The following USP8 variants were observed in gnomAD, a reference collection of about 807,000 sequenced individuals.
The protein encoded by USP8 is ubiquitin specific peptidase 8.
A neutral mutation model predicts 130.0 loss-of-function variants in USP8; 27 were observed. The ratio of observed to expected loss-of-function variants is 0.21; its 90% CI spans 0.15 to 0.29. The LOEUF is 0.29. Ranked by LOEUF, USP8 falls within the 10% of genes least tolerant of loss-of-function variation. The probability of loss-of-function intolerance (pLI) is 1.00; values close to 1 mark genes in which losing one functional copy is unlikely to be tolerated. For synonymous variants in USP8, 392 were observed against 444.1 expected (o/e 0.88, Z 1.48); for missense variants, 1,029 against 1,312.2 (o/e 0.78, Z 3.33).
intron 19 of USP8, 31 bp downstream of exon 19, chr15:50,498,759 G>A (rs1159599484): frequency 1.3e-6 from 2 of 1,572,422 alleles, no homozygotes; most frequent in South Asian, 1.2e-5. Context: ...AAGACTTTTT[G>A]TTTCAAAGCA....
intron 15 of USP8, 104 bp from the exon 16 acceptor site, chr15:50,493,966 C>A: frequency 7.9e-7 from 1 of 1,268,720 alleles, no homozygotes; most frequent in Non-Finnish European, 1.1e-6. Flanking sequence ...TAATGTAGTG[C>A]TACAGTATGT....
At position 50,511,354 on chromosome 15, in the gene USP8, A is replaced by T. The variant is rs2052737444; in HGVS notation, c.*12266A>T. Reference sequence around the variant, plus strand: ...ACGTAAAATGCTGCTGCCACTTTGGAAAACAATTTGGCAGTTCCTCAAAAA... The same window carrying T: ...ACGTAAAATGCTGCTGCCACTTTGGTAAACAATTTGGCAGTTCCTCAAAAA... On this transcript the variant is annotated 3_prime_UTR_variant, in exon 20 of 20. Coordinates refer to ENST00000307179, the MANE Select transcript of USP8 (RefSeq NM_005154.5). The T allele has an allele frequency of 6.6e-6, 1 of 152,190 alleles. No individual in the cohort carries two copies. The highest frequency in any genetic ancestry group is 2.4e-5 in the African/African-American group (1 of 41,448). The allele number at this position is 152,190 out of a possible 1,614,324, so 9.4% of individuals were successfully genotyped here.
At position 50,453,503 on chromosome 15, in the gene USP8, G is replaced by A. The variant is rs187179627; in HGVS notation, c.335+4018G>A. ...ATTTCATTGTGGCTAAAGATGTTGC[G>A]TCCTTTTAAATGTATTCTTGTTTTA... On this transcript the variant is annotated intron_variant, in intron 4 of 19. Transcript: ENST00000307179. 7.5e-4 allele frequency among the ~76,000 whole-genome samples: 114 copies of A among 152,140 alleles called. 1 individual carries two copies. The highest frequency in any genetic ancestry group is 2.5e-3 in the African/African-American group (102 of 41,486).
chr15:50,472,649 G>C (rs996110280), intron 8 of USP8, among the ~76,000 whole-genome samples: 3 of 151,158 alleles, frequency 2.0e-5, no homozygotes, highest in Admixed American at 2.0e-4. Flanking sequence ...GGTGGCCCAT[G>C]CCTGTAATCC....
chr15:50,437,402 A>G (rs2050123091), intron 1 of USP8, among the ~76,000 whole-genome samples: 1 of 152,134 alleles, frequency 6.6e-6, no homozygotes, highest in Non-Finnish European at 1.5e-5. Context: ...GTTCAATTCA[A>G]TTTGATTTTT....
At chr15:50,455,752 A>G (rs1343445404) in intron 4 of USP8, among the ~76,000 whole-genome samples, 1 of 152,160 alleles carries the variant, frequency 6.6e-6, no homozygotes, top group Admixed American at 6.6e-5. Flanking sequence ...TGCCTATGGT[A>G]GGTGGCAACT....
In USP8 at chr15:50,432,791, C is replaced by G. The variant is rs191982675; in HGVS notation, c.-65-6218C>G. On this transcript the variant is annotated intron_variant, in intron 1 of 19. Coordinates refer to ENST00000307179, the MANE Select transcript of USP8 (RefSeq NM_005154.5). ...TCTGATGTTTGCTATTTTTTTAATG[C>G]TGATCATGACCTTCTAATGGATTTT... Among the ~76,000 whole-genome samples the G allele has an allele frequency of 5.5e-3, 836 of 152,084 alleles. 4 individuals are homozygous for G. The highest frequency in any genetic ancestry group is 8.1e-3 in the Non-Finnish European group (548 of 67,994).
intron 3 of USP8, among the ~76,000 whole-genome samples, chr15:50,443,786 A>G (rs2050334408): frequency 6.6e-6 from 1 of 151,976 alleles, no homozygotes; most frequent in South Asian, 2.1e-4. Flanking sequence ...CTGGCCAATT[A>G]CTAGGTTTTA....
chr15:50,431,152 A>AGT lies in USP8; in HGVS notation c.-66+6646_-66+6647dup, dbSNP rs1242783830. ...CTGCTCTTCATATTTTGCAGGGTAC[A>AGT]GTGTGTGTGCCTCTGTGTGTGTGTG... On this transcript the variant is annotated intron_variant, in intron 1 of 19. Coordinates refer to ENST00000307179, the MANE Select transcript of USP8 (RefSeq NM_005154.5). Among the ~76,000 whole-genome samples, 3 of 32,956 alleles carry AGT rather than the reference A, an allele frequency of 9.1e-5. No individual in the cohort carries two copies. In the East Asian group the frequency reaches 3.5e-3, roughly 39 times the overall value. 21.6% of individuals were successfully genotyped at this position (32,956 alleles called of 152,430 possible).
chr15:50,489,785 ATT>A lies in USP8; in HGVS notation c.1891-13_1891-12del, dbSNP rs756736862. On this transcript the variant is annotated splice_polypyrimidine_tract_variant and intron_variant, in intron 12 of 19. Transcript: ENST00000307179. Reference sequence around the variant, plus strand: ...AAAAAATTTTTTTTTAATTTTTTTTATTTTATTTTAATTAGGCTCAACGAGAA... The same window carrying A: ...AAAAAATTTTTTTTTAATTTTTTTTATTATTTTAATTAGGCTCAACGAGAA... 7.0e-7 allele frequency: 1 copy of A among 1,438,588 alleles called. No individual in the cohort carries two copies. Among genetic ancestry groups the A allele is most frequent in the Non-Finnish European group, 9.1e-7 (1 of 1,093,632 alleles). 89.1% of individuals were successfully genotyped at this position (1,438,588 alleles called of 1,614,324 possible). A position where few individuals can be genotyped will look rare whatever the true frequency, so the allele number is the denominator to read the frequency against.
At chr15:50,484,050 T>C (rs151265848) in intron 11 of USP8, among the ~76,000 whole-genome samples, 1 of 152,154 alleles carries the variant, frequency 6.6e-6, no homozygotes, top group African/African-American at 2.4e-5. Flanking sequence ...TGCTTCACAG[T>C]CCACTTTGAT....
In USP8 at chr15:50,511,463, C is replaced by A. The variant is rs935769401; in HGVS notation, c.*12375C>A. 2 of 152,130 alleles carry A rather than the reference C, an allele frequency of 1.3e-5. No homozygotes were observed. Among genetic ancestry groups the A allele is most frequent in the East Asian group, 1.9e-4 (1 of 5,192 alleles). 9.4% of individuals were successfully genotyped at this position (152,130 alleles called of 1,614,324 possible). On this transcript the variant is annotated 3_prime_UTR_variant, in exon 20 of 20. Coordinates refer to ENST00000307179, the MANE Select transcript of USP8 (RefSeq NM_005154.5). ...AATGAAAACATGTTTACAGAAAATC[C>A]TGTACATAAATGTTCATAGCAGCAT... is the stretch of plus-strand genomic sequence containing the variant.
intron 10 of USP8, among the ~76,000 whole-genome samples, chr15:50,478,455 A>G (rs898024584): frequency 2.0e-5 from 3 of 152,084 alleles, no homozygotes; most frequent in African/African-American, 7.2e-5. Context: ...TTTAAAGTGG[A>G]TGACGTTTGA....
At chr15:50,432,965 G>C (rs1398066031) in intron 1 of USP8, among the ~76,000 whole-genome samples, 1 of 152,152 alleles carries the variant, frequency 6.6e-6, no homozygotes, top group East Asian at 1.9e-4. Context: ...TCATTGGCCG[G>C]GCACGATGGC....
In USP8 at chr15:50,458,966, A is replaced by G. The variant is rs373908521; in HGVS notation, c.336-34A>G. On this transcript the variant is annotated intron_variant, in intron 4 of 19. Coordinates refer to ENST00000307179, the MANE Select transcript of USP8 (RefSeq NM_005154.5). ...CCTTTAATTTCCACGATTAACGCCA[A>G]TAAAAGACAATCTTGACTTATTTTT... 3.7e-5 allele frequency: 60 copies of G among 1,609,680 alleles called. No individual in the cohort carries two copies. In the African/African-American group the frequency reaches 6.0e-4, roughly 16 times the overall value.
intron 14 of USP8, among the ~76,000 whole-genome samples, chr15:50,492,297 TA>T (rs1432319561): frequency 6.6e-6 from 1 of 152,252 alleles, no homozygotes; most frequent in African/African-American, 2.4e-5. Context: ...TTTTTGTTTT[TA>T]TTTTTTTATT....
intron 18 of USP8, chr15:50,497,647 T>G (rs1305263541): frequency 6.6e-6 from 1 of 152,466 alleles, no homozygotes; most frequent in African/African-American, 2.4e-5. Context: ...TACCATTAAG[T>G]GCAGAAATAA....
chr15:50,444,353 C>T (rs1404361852), intron 3 of USP8, among the ~76,000 whole-genome samples: 3 of 151,744 alleles, frequency 2.0e-5, no homozygotes, highest in Non-Finnish European at 2.9e-5. Context: ...GATCCACCTA[C>T]CTTGGCCTCC....
intron 3 of USP8, among the ~76,000 whole-genome samples, chr15:50,447,485 C>G (rs750213814): frequency 6.6e-6 from 1 of 152,144 alleles, no homozygotes; most frequent in Non-Finnish European, 1.5e-5. Context: ...AGGTGATCCA[C>G]CCACCTCAGC....
Sources: gnomAD v4.1 joint callset for allele counts (sites outside exome capture counted in the v4.1 genomes callset) on GRCh38, gnomAD v4.1.1 for gene constraint, MANE v1.5 for transcripts, NCBI Gene and HGNC (gene_info 2026-07-23, HGNC 2026-07-21) for gene names.